HTR4: variants seen among roughly 807,000 people sequenced by gnomAD.
HTR4 encodes 5-hydroxytryptamine (serotonin) receptor 4, G protein-coupled.
In HTR4, 16 loss-of-function variants were observed where a neutral mutation model predicts 36.8. The observed-to-expected ratio is 0.43, with a 90% CI of 0.29 to 0.66. HTR4 has a LOEUF of 0.66. Ranked by LOEUF, HTR4 falls within the 30% of genes least tolerant of loss-of-function variation. The pLI, the probability that HTR4 is intolerant of heterozygous loss-of-function variation, is 0.13. For missense variants in HTR4, 438 were observed against 490.9 expected (o/e 0.89, Z 1.02); for synonymous variants, 189 against 185.1 (o/e 1.02, Z -0.17).
rs558375033 is a variant in HTR4, at chr5:148,509,760, C to T, written c.772G>A (p.Ala258Thr). The part of the protein sequence containing the change: ...THRMRTETKA[A>T]KTLCIIMGCF... ...CCCATGATGATGCACAGGGTCTTGG[C>T]TGCTTTGGTCTCTGTCCTCATGCGA... The change falls in exon 6 of 7, where the codon GCC (alanine) becomes ACC (threonine). Residue 258 changes from alanine (A) to threonine (T), a missense_variant. Physicochemically the swap from Ala to Thr is moderately conservative, Grantham distance 58. Coordinates refer to ENST00000377888, the MANE Select transcript of HTR4 (RefSeq NM_000870.7). 1 of 1,614,064 alleles carries T rather than the reference C, an allele frequency of 6.2e-7. No individual in the cohort carries two copies. The highest frequency in any genetic ancestry group is 8.5e-7 in the Non-Finnish European group (1 of 1,180,006).
At chr5:148,509,200 A>G (rs1161555072) in intron 6 of HTR4, 2 of 408,392 alleles carry the variant, frequency 4.9e-6, no homozygotes, top group Non-Finnish European at 8.7e-6. Context: ...AATGAAATTG[A>G]GGTTAATAAT....
chr5:148,513,416 T>C (rs1229013178), intron 5 of HTR4, among the ~76,000 whole-genome samples: 1 of 152,226 alleles, frequency 6.6e-6, no homozygotes, highest in African/African-American at 2.4e-5. Flanking sequence ...CTAGTTGCAC[T>C]GCAGTGTAAA....
chr5:148,524,397 C>T (rs547253353), intron 4 of HTR4, among the ~76,000 whole-genome samples: 116 of 152,172 alleles, frequency 7.6e-4, no homozygotes, highest in African/African-American at 2.6e-3. Flanking sequence ...TGGATGAGAC[C>T]ACCCCACTTC....
downstream of HTR4, among the ~76,000 whole-genome samples, chr5:148,478,397 G>A (rs377538168): frequency 4.6e-5 from 7 of 152,266 alleles, no homozygotes; most frequent in African/African-American, 7.2e-5. Flanking sequence ...CTTCACAGCC[G>A]GTGAAGGCTT....
chr5:148,622,704 A>T (rs1752958095), intron 2 of HTR4, among the ~76,000 whole-genome samples: 2 of 152,342 alleles, frequency 1.3e-5, no homozygotes, highest in African/African-American at 2.4e-5. Flanking sequence ...GGTTAATGAT[A>T]CTTGCCCTTA....
chr5:148,578,638 G>T (rs1761018353), intron 2 of HTR4, among the ~76,000 whole-genome samples: 1 of 152,012 alleles, frequency 6.6e-6, no homozygotes, highest in Non-Finnish European at 1.5e-5. Flanking sequence ...CAAACTGCCT[G>T]AATTCTTCAA....
chr5:148,563,641 A>G (rs1389949088), intron 2 of HTR4, among the ~76,000 whole-genome samples: 1 of 152,206 alleles, frequency 6.6e-6, no homozygotes, highest in Non-Finnish European at 1.5e-5. Context: ...TGTGAATCAT[A>G]AATATTCTTT....
chr5:148,542,421 A>C (rs143110922), intron 4 of HTR4, among the ~76,000 whole-genome samples: 6 of 152,364 alleles, frequency 3.9e-5, no homozygotes, highest in African/African-American at 1.4e-4. Context: ...TCTCCAGCAC[A>C]AGATTAAACA....
At chr5:148,604,119 C>T (rs1752039203) in intron 2 of HTR4, among the ~76,000 whole-genome samples, 1 of 151,946 alleles carries the variant, frequency 6.6e-6, no homozygotes, top group African/African-American at 2.4e-5. Context: ...TTGAGGTAAC[C>T]AAAGATTTCT....
intron 2 of HTR4, among the ~76,000 whole-genome samples, chr5:148,572,875 C>T (rs1398500946): frequency 6.6e-6 from 1 of 152,018 alleles, no homozygotes; most frequent in African/African-American, 2.4e-5. Flanking sequence ...TAAAAGATAT[C>T]GTGAATGCTA....
At chr5:148,493,145 C>T (rs1285066556) in intron 6 of HTR4, among the ~76,000 whole-genome samples, 1 of 152,164 alleles carries the variant, frequency 6.6e-6, no homozygotes, top group Non-Finnish European at 1.5e-5. Context: ...TTGCTATTTT[C>T]CTGGTGTGAT....
At chr5:148,493,000 T>C (rs1344918768) in intron 6 of HTR4, among the ~76,000 whole-genome samples, 1 of 152,208 alleles carries the variant, frequency 6.6e-6, no homozygotes, top group African/African-American at 2.4e-5. Context: ...AGCCTAGAAG[T>C]GGGCATCCTG....
At chr5:148,491,330 T>A (rs961317945) in intron 6 of HTR4, among the ~76,000 whole-genome samples, 5 of 152,118 alleles carry the variant, frequency 3.3e-5, no homozygotes, top group Non-Finnish European at 5.9e-5. Flanking sequence ...ATATTTTTTT[T>A]TTTTTGGTCT....
chr5:148,476,677 C>A, downstream of HTR4: 2 of 1,592,248 alleles, frequency 1.3e-6, no homozygotes, highest in Non-Finnish European at 1.7e-6. Flanking sequence ...TGTACAAAAA[C>A]CTGTGTTGGG....
At chr5:148,506,946 T>C (rs1361322270) in intron 6 of HTR4, among the ~76,000 whole-genome samples, 2 of 149,892 alleles carry the variant, frequency 1.3e-5, no homozygotes, top group Non-Finnish European at 2.9e-5. Flanking sequence ...CTAGTTCAAC[T>C]ATTGTGGAAG....
downstream of HTR4, among the ~76,000 whole-genome samples, chr5:148,474,890 C>CA (rs369048311): frequency 3.8e-4 from 58 of 152,104 alleles, no homozygotes; most frequent in Middle Eastern, 0.01. Flanking sequence ...TATCAAAATA[C>CA]AAAAAATTAG....
intron 5 of HTR4, among the ~76,000 whole-genome samples, chr5:148,465,320 T>C (rs1755397606): frequency 6.6e-6 from 1 of 152,176 alleles, no homozygotes; most frequent in Non-Finnish European, 1.5e-5. Context: ...GGGGAGGCTG[T>C]GCCTGGGGTA....
At chr5:148,587,457 TG>T (rs747289394) in intron 2 of HTR4, among the ~76,000 whole-genome samples, 4 of 151,886 alleles carry the variant, frequency 2.6e-5, no homozygotes, top group Admixed American at 1.3e-4. Flanking sequence ...GGCGGAGGGT[TG>T]GGGGGGTGGT....
At chr5:148,603,930 A>C (rs1391034333) in intron 2 of HTR4, among the ~76,000 whole-genome samples, 1 of 152,128 alleles carries the variant, frequency 6.6e-6, no homozygotes, top group Non-Finnish European at 1.5e-5. Context: ...TGGAGAAAAA[A>C]GACTTTTCAA....
Sources: allele counts gnomAD v4.1 joint callset (sites outside exome capture counted in the v4.1 genomes callset), GRCh38; gene constraint gnomAD v4.1.1; transcripts MANE v1.5; gene names NCBI Gene and HGNC (gene_info 2026-07-23, HGNC 2026-07-21).